TBC1D30: variants seen among roughly 807,000 people sequenced by gnomAD.
The protein encoded by TBC1D30 is TBC1 domain family, member 30.
A neutral mutation model predicts 63.2 loss-of-function variants in TBC1D30; 31 were observed. That is an observed-to-expected ratio of 0.49 (90% CI 0.37 to 0.66). The LOEUF is 0.66. Ranked by LOEUF, TBC1D30 falls within the 30% of genes least tolerant of loss-of-function variation. The probability of loss-of-function intolerance (pLI) is 0.00; values close to 1 mark genes in which losing one functional copy is unlikely to be tolerated. For synonymous variants in TBC1D30, 307 were observed against 361.5 expected, an observed-to-expected ratio of 0.85 and a Z score of 1.71; for missense variants, 810 against 953.6, an observed-to-expected ratio of 0.85 and a Z score of 1.98.
exon 1 of TBC1D30, chr12:64,780,902 G>C (rs981898231): frequency 5.1e-5 from 53 of 1,032,704 alleles, no homozygotes; most frequent in Middle Eastern, 6.5e-4. Context: ...GGAGAGTCAG[G>C]AGGAAGAAAC....
In TBC1D30 at chr12:64,813,406, A is replaced by ACAACAT. The variant is rs1478333190; in HGVS notation, c.644-14424_644-14423insTCAACA. The stretch of plus-strand genomic sequence containing the variant: ...GTCCATAACAACAACAACAACAACA[A>ACAACAT]CAACAACAAAAGAAAACCCCTATGA... On this transcript the variant is annotated intron_variant, in intron 2 of 12. Coordinates refer to the TBC1D30 transcript ENST00000542120. Among the ~76,000 whole-genome samples the ACAACAT allele has an allele frequency of 5.9e-4, 90 of 152,142 alleles. No homozygotes were observed. In the Middle Eastern group the frequency reaches 0.01, roughly 17 times the overall value.
At chr12:64,760,371 C>G (rs996309787) in intron 1 of TBC1D30, among the ~76,000 whole-genome samples, 6 of 152,024 alleles carry the variant, frequency 3.9e-5, no homozygotes, top group South Asian at 2.1e-4. Flanking sequence ...TTAGACCAGC[C>G]TGGCCAACGT....
At chr12:64,810,589 C>T (rs903186972) in intron 2 of TBC1D30, among the ~76,000 whole-genome samples, 7 of 152,066 alleles carry the variant, frequency 4.6e-5, no homozygotes, top group African/African-American at 1.2e-4. Context: ...GGCAACAGAG[C>T]GAGACTCCGT....
At chr12:64,853,706 A>T (rs1310498839) in intron 8 of TBC1D30, among the ~76,000 whole-genome samples, 1 of 152,198 alleles carries the variant, frequency 6.6e-6, no homozygotes, top group African/African-American at 2.4e-5. Flanking sequence ...ATCATTCCTC[A>T]TGGCACAATC....
At chr12:64,866,478 G>A (rs1167734501) in intron 9 of TBC1D30, among the ~76,000 whole-genome samples, 3 of 151,302 alleles carry the variant, frequency 2.0e-5, no homozygotes, top group African/African-American at 4.9e-5. Context: ...CTCTGTCGTC[G>A]CCCAGGCTGG....
intron 8 of TBC1D30, among the ~76,000 whole-genome samples, chr12:64,844,648 T>A (rs1433032579): frequency 6.6e-6 from 1 of 152,260 alleles, no homozygotes; most frequent in Non-Finnish European, 1.5e-5. Flanking sequence ...TTGTACCCAC[T>A]AACTATCTCT....
In TBC1D30 at chr12:64,832,322, AC is replaced by A; in HGVS notation, c.594+19del. 1 of 1,532,244 alleles carries A rather than the reference AC, an allele frequency of 6.5e-7. No homozygotes were observed. The highest frequency in any genetic ancestry group is 8.7e-7 in the Non-Finnish European group (1 of 1,143,906). 94.9% of individuals were successfully genotyped at this position (1,532,244 alleles called of 1,614,324 possible). On this transcript the variant is annotated intron_variant, in intron 5 of 11. Transcript: ENST00000539867. ...CCCTGAAAGTGAGTAGCAGGCTCTG[AC>A]AAAGGCCATGGACATTCTTCTGAGA...
intron 2 of TBC1D30, among the ~76,000 whole-genome samples, chr12:64,795,167 T>C (rs1229747367): frequency 6.6e-6 from 1 of 152,174 alleles, no homozygotes; most frequent in African/African-American, 2.4e-5. Flanking sequence ...ATGGGCCCTT[T>C]GTTGTGGAAC....
intron 2 of TBC1D30, among the ~76,000 whole-genome samples, chr12:64,813,387 A>G (rs1592578729): frequency 7.3e-6 from 1 of 136,482 alleles, no homozygotes; most frequent in East Asian, 2.0e-4. Flanking sequence ...AAGAGTCCAT[A>G]ACAACAACAA....
chr12:64,852,043 C>T (rs1876920592), intron 8 of TBC1D30, among the ~76,000 whole-genome samples: 1 of 152,088 alleles, frequency 6.6e-6, no homozygotes, highest in African/African-American at 2.4e-5. Flanking sequence ...TCTCGTATTT[C>T]CTGAATTTGA....
At chr12:64,789,766 A>G (rs531365492) in intron 2 of TBC1D30, among the ~76,000 whole-genome samples, 42 of 152,324 alleles carry the variant, frequency 2.8e-4, no homozygotes, top group African/African-American at 9.9e-4. Flanking sequence ...ATTGTATTAT[A>G]GAAGATCATA....
chr12:64,845,990 G>C (rs1002347603), intron 8 of TBC1D30, among the ~76,000 whole-genome samples: 1 of 151,986 alleles, frequency 6.6e-6, no homozygotes, highest in African/African-American at 2.4e-5. Context: ...AAGCCTGTTC[G>C]TCATTTGTAT....
At chr12:64,869,762 G>C (rs1380961128) in intron 10 of TBC1D30, among the ~76,000 whole-genome samples, 1 of 152,040 alleles carries the variant, frequency 6.6e-6, no homozygotes, top group African/African-American at 2.4e-5. Context: ...TCTCCTTACA[G>C]AAATGATTAC....
intron 5 of TBC1D30, among the ~76,000 whole-genome samples, chr12:64,833,424 A>G (rs1875046061): frequency 2.0e-5 from 3 of 152,214 alleles, no homozygotes. Flanking sequence ...GCTTAAGGCA[A>G]TGTGGGATTA....
chr12:64,776,418 A>C (rs1871083656), upstream of TBC1D30, among the ~76,000 whole-genome samples: 1 of 152,228 alleles, frequency 6.6e-6, no homozygotes, highest in Admixed American at 6.5e-5. Context: ...AAAAATGGTA[A>C]GGGGAATATT....
rs866485267 is a variant in TBC1D30 at position 64,878,785 on chromosome 12, C to T, written c.*2997C>T. ...TAAGCTCTATCTCCCCCAGTCTAAT[C>T]GCTGGGTTGCAGGGTGGCCTGTGAC... is the stretch of plus-strand genomic sequence containing the variant. On this transcript the variant is annotated 3_prime_UTR_variant, in exon 12 of 12. Coordinates refer to ENST00000539867, the MANE Select transcript of TBC1D30 (RefSeq NM_015279.2). The T allele has an allele frequency of 7.8e-5, 23 of 294,688 alleles. No individual in the cohort carries two copies. Among genetic ancestry groups the T allele is most frequent in the South Asian group, 4.3e-4 (13 of 30,556 alleles). The allele number at this position is 294,688 out of a possible 1,614,324, so 18.3% of individuals were successfully genotyped here. A position where few individuals can be genotyped will look rare whatever the true frequency, so the allele number is the denominator to read the frequency against.
At chr12:64,851,164 CTTCTTT>C (rs926248085) in intron 8 of TBC1D30, among the ~76,000 whole-genome samples, 34 of 151,954 alleles carry the variant, frequency 2.2e-4, no homozygotes, top group African/African-American at 7.0e-4. Flanking sequence ...TCTCTCTTTT[CTTCTTT>C]ATTAGTCTGG....
At chr12:64,770,352 C>G (rs532666819) in intron 1 of TBC1D30, among the ~76,000 whole-genome samples, 73 of 152,102 alleles carry the variant, frequency 4.8e-4, no homozygotes, top group Admixed American at 1.3e-3. Context: ...ATCTCTCAAG[C>G]CTGAAAATTA....
At chr12:64,850,412 TTG>T (rs1426172946) in intron 8 of TBC1D30, among the ~76,000 whole-genome samples, 4 of 152,200 alleles carry the variant, frequency 2.6e-5, no homozygotes, top group African/African-American at 9.7e-5. Flanking sequence ...GGCTGTGGGT[TTG>T]TCATAAATAG....
Sources: gnomAD v4.1 joint callset for allele counts (sites outside exome capture counted in the v4.1 genomes callset) on GRCh38, gnomAD v4.1.1 for gene constraint, MANE v1.5 for transcripts, NCBI Gene and HGNC (gene_info 2026-07-23, HGNC 2026-07-21) for gene names.